The following NLGN1 variants were observed in gnomAD, a reference collection of about 807,000 sequenced individuals.
The protein encoded by NLGN1 is neuroligin 1, also known as neuroligin-1.
A neutral mutation model predicts 65.5 loss-of-function variants in NLGN1; 12 were observed. The observed-to-expected ratio is 0.18, with a 90% CI of 0.12 to 0.30. The LOEUF (loss-of-function observed/expected upper bound fraction) is 0.30. Ranked by LOEUF, NLGN1 falls within the 10% of genes least tolerant of loss-of-function variation. The probability of loss-of-function intolerance (pLI) is 1.00; values close to 1 mark genes in which losing one functional copy is unlikely to be tolerated. For missense variants in NLGN1, 750 were observed against 1,007.1 expected, an observed-to-expected ratio of 0.74 and a Z score of 3.46; for synonymous variants, 350 against 359.5, an observed-to-expected ratio of 0.97 and a Z score of 0.30.
chr3:174,076,974 C>A (rs1027572808), intron 4 of NLGN1, among the ~76,000 whole-genome samples: 7 of 152,090 alleles, frequency 4.6e-5, no homozygotes, highest in Non-Finnish European at 1.0e-4. Flanking sequence ...CTATCCAAAG[C>A]AGCTCCAAGT....
At chr3:174,082,365 A>T (rs1440614225) in intron 4 of NLGN1, among the ~76,000 whole-genome samples, 1 of 152,060 alleles carries the variant, frequency 6.6e-6, no homozygotes, top group African/African-American at 2.4e-5. Flanking sequence ...TTAAAAAAAC[A>T]AATAATAATT....
intron 4 of NLGN1, among the ~76,000 whole-genome samples, chr3:174,190,382 T>G (rs1454071002): frequency 6.6e-6 from 1 of 152,028 alleles, no homozygotes; most frequent in Non-Finnish European, 1.5e-5. Context: ...ACATGCAATT[T>G]TTGAAGGTGC....
intron 4 of NLGN1, among the ~76,000 whole-genome samples, chr3:174,199,594 A>AT (rs1304978498): frequency 1.3e-5 from 2 of 151,998 alleles, no homozygotes; most frequent in Non-Finnish European, 2.9e-5. Context: ...CAGTAAATGA[A>AT]TACGATGATT....
intron 4 of NLGN1, among the ~76,000 whole-genome samples, chr3:173,859,778 G>T (rs771274889): frequency 1.3e-5 from 2 of 151,970 alleles, no homozygotes; most frequent in Non-Finnish European, 2.9e-5. Context: ...TATTATTCAA[G>T]ATTGTTGTTT....
intron 3 of NLGN1, among the ~76,000 whole-genome samples, chr3:173,730,659 T>A (rs767191275): frequency 1.3e-5 from 2 of 152,106 alleles, no homozygotes; most frequent in African/African-American, 2.4e-5. Context: ...CTTTTCCATA[T>A]GAAATGAGAG....
At chr3:173,965,622 A>G (rs1239910554) in intron 4 of NLGN1, among the ~76,000 whole-genome samples, 2 of 152,014 alleles carry the variant, frequency 1.3e-5, no homozygotes, top group East Asian at 1.9e-4. Flanking sequence ...GCGCTGGCCC[A>G]TTCCTAAAAC....
In NLGN1 at chr3:173,525,052, A is replaced by G. The variant is rs565758296; in HGVS notation, c.-320-79227A>G. On this transcript the variant is annotated intron_variant, in intron 2 of 6. Transcript: ENST00000457714. ...TTTGTTGCTGTTGTGTTCTTACCTG[A>G]TCAGAGGGTTGCTGGTTTTATAGAC... Among the ~76,000 whole-genome samples, 3 of 152,172 alleles carry G rather than the reference A, an allele frequency of 2.0e-5. No individual in the cohort carries two copies. In the South Asian group the frequency reaches 6.2e-4, roughly 32 times the overall value.
the NLGN1 span, among the ~76,000 whole-genome samples, chr3:174,293,488 A>G: frequency 6.6e-6 from 1 of 151,646 alleles, no homozygotes; most frequent in Non-Finnish European, 1.5e-5. Context: ...AAAGCATACC[A>G]TCACAAAATG....
At chr3:174,240,897 C>T (rs1742671618) in intron 4 of NLGN1, among the ~76,000 whole-genome samples, 1 of 152,112 alleles carries the variant, frequency 6.6e-6, no homozygotes, top group South Asian at 2.1e-4. Flanking sequence ...ATATACATGG[C>T]TCTACCATAT....
At chr3:173,899,844 T>C (rs1737007447) in intron 4 of NLGN1, among the ~76,000 whole-genome samples, 1 of 152,138 alleles carries the variant, frequency 6.6e-6, no homozygotes, top group South Asian at 2.1e-4. Flanking sequence ...TTGGATGTTT[T>C]AATTCCTTTT....
At chr3:173,531,520 T>G (rs1448438233) in intron 2 of NLGN1, among the ~76,000 whole-genome samples, 1 of 151,868 alleles carries the variant, frequency 6.6e-6, no homozygotes, top group East Asian at 1.9e-4. Flanking sequence ...TTTTATTCAC[T>G]TTTATTTTTC....
chr3:173,469,127 C>T (rs1724876568), intron 2 of NLGN1, among the ~76,000 whole-genome samples: 1 of 152,098 alleles, frequency 6.6e-6, no homozygotes, highest in Non-Finnish European at 1.5e-5. Flanking sequence ...TTAAATAATA[C>T]ACTATTGATA....
At chr3:173,928,104 T>A (rs953585937) in intron 4 of NLGN1, among the ~76,000 whole-genome samples, 3 of 152,232 alleles carry the variant, frequency 2.0e-5, no homozygotes, top group Admixed American at 2.0e-4. Context: ...TGATTATTCT[T>A]AACAACTTTA....
intron 3 of NLGN1, among the ~76,000 whole-genome samples, chr3:173,771,976 G>A (rs1276951299): frequency 2.0e-5 from 3 of 151,976 alleles, no homozygotes; most frequent in Non-Finnish European, 2.9e-5. Flanking sequence ...AAACAGAAAA[G>A]TGTGACCTTA....
chr3:173,701,888 C>T (rs1767221239), intron 3 of NLGN1, among the ~76,000 whole-genome samples: 1 of 152,134 alleles, frequency 6.6e-6, no homozygotes, highest in Non-Finnish European at 1.5e-5. Flanking sequence ...TATTTAATTT[C>T]TACTGTGCTG....
chr3:173,844,730 C>T (rs376650617), intron 4 of NLGN1, among the ~76,000 whole-genome samples: 6 of 152,230 alleles, frequency 3.9e-5, no homozygotes, highest in East Asian at 3.9e-4. Flanking sequence ...ATTTCTTGAA[C>T]GAAGTAAGCA....
chr3:173,775,072 TTTTA>T (rs1278191114), intron 3 of NLGN1, among the ~76,000 whole-genome samples: 3 of 152,180 alleles, frequency 2.0e-5, no homozygotes, highest in Non-Finnish European at 4.4e-5. Flanking sequence ...TAAAATAGTT[TTTTA>T]TTTCTTAAAT....
intron 4 of NLGN1, among the ~76,000 whole-genome samples, chr3:173,881,013 C>G (rs1460373616): frequency 2.0e-5 from 3 of 151,342 alleles, no homozygotes; most frequent in African/African-American, 7.3e-5. Context: ...TTTGCTCATT[C>G]ATAATAAGCA....
chr3:173,413,202 G>C (rs1712959451), intron 1 of NLGN1, among the ~76,000 whole-genome samples: 1 of 152,032 alleles, frequency 6.6e-6, no homozygotes. Flanking sequence ...GTGTCCTTCT[G>C]CCTGCAGAAC....
Sources: gnomAD v4.1 joint callset for allele counts (sites outside exome capture counted in the v4.1 genomes callset) on GRCh38, gnomAD v4.1.1 for gene constraint, MANE v1.5 for transcripts, NCBI Gene and HGNC (gene_info 2026-07-23, HGNC 2026-07-21) for gene names.